Variants in NMUR1 observed in about 807,000 individuals in gnomAD.
The protein encoded by NMUR1 is neuromedin U receptor 1.
In NMUR1, 16 loss-of-function variants were observed where a neutral mutation model predicts 18.8. That is an observed-to-expected ratio of 0.85 (90% CI 0.58 to 1.29). The LOEUF (loss-of-function observed/expected upper bound fraction) is 1.29. Ranked by LOEUF, NMUR1 falls within the 50% of genes most tolerant of loss-of-function variation. The probability of loss-of-function intolerance (pLI) is 0.00; values close to 1 mark genes in which losing one functional copy is unlikely to be tolerated. For synonymous variants in NMUR1, 258 were observed against 258.2 expected (o/e 1.00, Z 0.01); for missense variants, 529 against 580.3 (o/e 0.91, Z 0.91).
At chr2:231,526,979 C>T (rs190410767) in intron 2 of NMUR1, among the ~76,000 whole-genome samples, 2 of 152,196 alleles carry the variant, frequency 1.3e-5, no homozygotes, top group African/African-American at 4.8e-5. Flanking sequence ...GCCTTGAGCC[C>T]GGCCTTCACA....
chr2:231,524,523 C>G lies in NMUR1; in HGVS notation c.*520G>C, dbSNP rs549579040. On this transcript the variant is annotated 3_prime_UTR_variant, in exon 3 of 3. Coordinates refer to ENST00000305141, the MANE Select transcript of NMUR1 (RefSeq NM_006056.5). ...TGAGCCAAAATCGCGCCACTGCACT[C>G]TAGCCTGGGCGACAGAGTGAGACTC... 6.5e-6 allele frequency: 1 copy of G among 153,038 alleles called. No homozygotes were observed. Among genetic ancestry groups the G allele is most frequent in the Non-Finnish European group, 1.5e-5 (1 of 68,672 alleles). 9.5% of individuals were successfully genotyped at this position (153,038 alleles called of 1,614,324 possible). A position where few individuals can be genotyped will look rare whatever the true frequency, so the allele number is the denominator to read the frequency against.
chr2:231,524,818 C>T lies in NMUR1; in HGVS notation c.*225G>A. Reference sequence around the variant, plus strand: ...TTTGAACTGGGGGAGTGGCAGTGGACAGATAAGAAGCACAAGGTGTGGCGT... The same window carrying T: ...TTTGAACTGGGGGAGTGGCAGTGGATAGATAAGAAGCACAAGGTGTGGCGT... On this transcript the variant is annotated 3_prime_UTR_variant, in exon 3 of 3. Transcript: ENST00000305141. The T allele has an allele frequency of 2.0e-6, 1 of 501,868 alleles. No individual in the cohort carries two copies. The highest frequency in any genetic ancestry group is 3.1e-5 in the East Asian group (1 of 32,006). 31.1% of individuals were successfully genotyped at this position (501,868 alleles called of 1,614,324 possible).
chr2:231,529,372 A>C (rs1368290719), intron 1 of NMUR1, among the ~76,000 whole-genome samples: 3 of 152,168 alleles, frequency 2.0e-5, no homozygotes, highest in Non-Finnish European at 2.9e-5. Context: ...AGGCGGGAGA[A>C]TTGTTTGAAC....
intron 2 of NMUR1, among the ~76,000 whole-genome samples, chr2:231,527,335 G>C (rs1376102210): frequency 6.6e-6 from 1 of 152,184 alleles, no homozygotes; most frequent in Non-Finnish European, 1.5e-5. Context: ...GAAGAACAAG[G>C]CCAAGACACG....
Position 231,528,313 on chromosome 2 carries a change from C to A in NMUR1, c.708G>T (p.Ala236=). ...ALYNMVVQTT[A]LLFFCLPMAI... is the part of the protein sequence containing the mutation. ...CCATGGGCAGGCAGAAGAAGAGCAGCGCGGTGGTCTGCACTACCATGTTGT... is the reference window on the plus strand; with the variant it reads ...CCATGGGCAGGCAGAAGAAGAGCAGAGCGGTGGTCTGCACTACCATGTTGT... Residue 236 remains alanine (A), a synonymous_variant, in exon 2 of 3, where the codon GCG becomes GCT. Transcript: ENST00000305141. 6.2e-7 allele frequency: 1 copy of A among 1,612,920 alleles called. No homozygotes were observed. Among genetic ancestry groups the A allele is most frequent in the African/African-American group, 1.3e-5 (1 of 75,048 alleles).
chr2:231,525,948 ACACACACAGACACACACATG>A (rs1432183855), intron 2 of NMUR1, among the ~76,000 whole-genome samples: 4 of 109,556 alleles, frequency 3.7e-5, no homozygotes, highest in East Asian at 4.4e-4. Context: ...ACATGCATGC[ACACACACAGACACACACATG>A]CACACACACA....
chr2:231,530,054 G>A (rs1275110884), intron 1 of NMUR1, among the ~76,000 whole-genome samples: 2 of 152,134 alleles, frequency 1.3e-5, no homozygotes, highest in Non-Finnish European at 2.9e-5. Flanking sequence ...CCTTCCTCCC[G>A]CCCGCCCTCA....
rs771862069 is a variant in NMUR1, at chr2:231,525,280, G to A, written c.1044C>T (p.Gly348=). 2.8e-5 allele frequency: 46 copies of A among 1,614,204 alleles called. No individual in the cohort carries two copies. In the South Asian group the frequency reaches 4.7e-4, roughly 17 times the overall value. The change falls in exon 3 of 3, where the codon GGC becomes GGT. Residue 348 remains glycine, a synonymous_variant. Transcript: ENST00000305141. ...HVISGIFFYL[G]SAANPVLYSL... is the part of the protein sequence containing the mutation. The stretch of plus-strand genomic sequence containing the variant: ...TATAGAGCACGGGGTTGGCCGCCGA[G>A]CCCAGGTAGAAGAAGATGCCGGAGA...
chr2:231,528,019 G>A lies in NMUR1; in HGVS notation c.898+104C>T, dbSNP rs535908569. 3.1e-4 allele frequency: 377 copies of A among 1,220,216 alleles called. 4 individuals are homozygous for A. In the South Asian group the frequency reaches 5.2e-3, roughly 17 times the overall value. 75.6% of individuals were successfully genotyped at this position (1,220,216 alleles called of 1,614,324 possible). A position where few individuals can be genotyped will look rare whatever the true frequency, so the allele number is the denominator to read the frequency against. On this transcript the variant is annotated intron_variant, in intron 2 of 2. Transcript: ENST00000305141. Reference sequence around the variant, plus strand: ...ACACACGAGACTAGAGGAGTTCCTCGTCCCCCATAAACCCAGATACTCAGC... The same window carrying A: ...ACACACGAGACTAGAGGAGTTCCTCATCCCCCATAAACCCAGATACTCAGC...
chr2:231,525,856 T>C (rs939391430), intron 2 of NMUR1, among the ~76,000 whole-genome samples: 15 of 152,096 alleles, frequency 9.9e-5, no homozygotes, highest in African/African-American at 3.4e-4. Flanking sequence ...AAAAGAAGAA[T>C]GGGGCACGTG....
At chr2:231,527,998 A>ACG in intron 2 of NMUR1, 125 bp downstream of exon 2, 18 of 963,532 alleles carry the variant, frequency 1.9e-5, no homozygotes, top group South Asian at 3.6e-5. Context: ...ACACACACAC[A>ACG]CGAGACTAGA....
Position 231,530,388 on chromosome 2 carries a change from C to A in NMUR1, c.-27G>T, listed in dbSNP as rs1489480446. The A allele has an allele frequency of 1.8e-5, 27 of 1,483,906 alleles. No individual in the cohort carries two copies. The highest frequency in any genetic ancestry group is 2.3e-5 in the Non-Finnish European group (26 of 1,124,460). The allele number at this position is 1,483,906 out of a possible 1,614,324, so 91.9% of individuals were successfully genotyped here. On this transcript the variant is annotated 5_prime_UTR_variant, in exon 1 of 3. Coordinates refer to ENST00000305141, the MANE Select transcript of NMUR1 (RefSeq NM_006056.5). ...CGGCCCGCGGCCCGCGAGACCCCGG[C>A]TTCCACCCTCCGAGCGACGGACACA...
downstream of NMUR1, among the ~76,000 whole-genome samples, chr2:231,519,532 G>C (rs2047290256): frequency 6.6e-6 from 1 of 152,244 alleles, no homozygotes; most frequent in Admixed American, 6.5e-5. Context: ...CAGACTGTCA[G>C]TGTTTGCCTC....
rs199618212 is a variant in NMUR1 at position 231,528,348 on chromosome 2, G to A, written c.673C>T (p.Arg225Trp). ...TGCACTACCATGTTGTAGAGGGCCC[G>A]TGGGCGGACCAGCATGCAAACAGCT... The part of the protein sequence containing the change: ...DSAVCMLVRP[R>W]ALYNMVVQTT... The change falls in exon 2 of 3, where the codon CGG becomes TGG. Residue 225 changes from arginine (R) to tryptophan (W), a missense_variant. Arg to Trp is a moderately radical substitution (Grantham distance 101). Coordinates refer to ENST00000305141, the MANE Select transcript of NMUR1 (RefSeq NM_006056.5). 1.4e-4 allele frequency: 232 copies of A among 1,613,608 alleles called. 1 individual carries two copies. The East Asian group carries it at 3.5e-3, about 25-fold the overall frequency.
rs758608715 is a variant in NMUR1 at position 231,528,922 on chromosome 2, C to T, written c.99G>A (p.Gly33=). ...PMACNGSAAR[G]HFDPEDLNLT... is the part of the protein sequence containing the mutation. ...GGTTCAAGTCCTCAGGGTCAAAGTGCCCCCTGGCCGCACTGCCATTGCAAG... is the reference window on the plus strand; with the variant it reads ...GGTTCAAGTCCTCAGGGTCAAAGTGTCCCCTGGCCGCACTGCCATTGCAAG... The change falls in exon 2 of 3, where the codon GGG becomes GGA. Residue 33 remains glycine, a synonymous_variant. Coordinates refer to ENST00000305141, the MANE Select transcript of NMUR1 (RefSeq NM_006056.5). The T allele has an allele frequency of 6.2e-7, 1 of 1,614,120 alleles. No individual in the cohort carries two copies. The highest frequency in any genetic ancestry group is 1.7e-5 in the Admixed American group (1 of 60,018).
At position 231,525,197 on chromosome 2, in the gene NMUR1, C is replaced by A; in HGVS notation, c.1127G>T (p.Cys376Phe). Residue 376 changes from cysteine to phenylalanine, a missense_variant, in exon 3 of 3, where the codon TGC (cysteine) becomes TTC (phenylalanine). Coordinates refer to ENST00000305141, the MANE Select transcript of NMUR1 (RefSeq NM_006056.5). ...TFQEALCLGA[C>F]CHRLRPRHSS... ...GTGGCGGGGTCTGAGGCGATGGCAG[C>A]AGGCCCCGAGGCACAGGGCCTCCTG... The A allele has an allele frequency of 6.2e-7, 1 of 1,614,118 alleles. No individual in the cohort carries two copies. Among genetic ancestry groups the A allele is most frequent in the Non-Finnish European group, 8.5e-7 (1 of 1,180,020 alleles).
intron 1 of NMUR1, 114 bp downstream of exon 1, chr2:231,530,245 C>CG (rs1288870666): frequency 7.1e-6 from 9 of 1,276,184 alleles, no homozygotes; most frequent in East Asian, 3.1e-5. Flanking sequence ...GTGGCGGGGA[C>CG]GGGGGGCACC....
chr2:231,528,406 C>T lies in NMUR1; in HGVS notation c.615G>A (p.Leu205=). The change falls in exon 2 of 3, where the codon CTG becomes CTA. Residue 205 remains leucine, a synonymous_variant. Transcript: ENST00000305141. ...PNTSLHGIRQ[L]HVPCRGPVPD... ...GCACTGGGCCCCGGCAGGGCACGTG[C>T]AGCTGCCGGATGCCGTGCAGGCTGG... The T allele has an allele frequency of 4.3e-6, 7 of 1,613,726 alleles. No homozygotes were observed. The highest frequency in any genetic ancestry group is 5.9e-6 in the Non-Finnish European group (7 of 1,179,980).
chr2:231,525,946 GCACA>G (rs200137848), intron 2 of NMUR1, among the ~76,000 whole-genome samples: 1 of 114,290 alleles, frequency 8.7e-6, no homozygotes, highest in African/African-American at 3.1e-5. Context: ...ACACATGCAT[GCACA>G]CACACAGACA....
Sources: gnomAD v4.1 joint callset for allele counts (sites outside exome capture counted in the v4.1 genomes callset) on GRCh38, gnomAD v4.1.1 for gene constraint, MANE v1.5 for transcripts, NCBI Gene and HGNC (gene_info 2026-07-23, HGNC 2026-07-21) for gene names.